TMEM126A: variants seen among roughly 807,000 people sequenced by gnomAD.
TMEM126A encodes optic atrophy 7.
In TMEM126A, 10 loss-of-function variants were observed where a neutral mutation model predicts 18.3. The ratio of observed to expected loss-of-function variants is 0.55; its 90% CI spans 0.34 to 0.93. The LOEUF is 0.93. Among genes scored for constraint, TMEM126A ranks in the 40% least tolerant of loss-of-function variants. The pLI, the probability that TMEM126A is intolerant of heterozygous loss-of-function variation, is 0.02. For synonymous variants in TMEM126A, 68 were observed against 78.1 expected, an observed-to-expected ratio of 0.87 and a Z score of 0.68; for missense variants, 246 against 230.2, an observed-to-expected ratio of 1.07 and a Z score of -0.44.
intron 4 of TMEM126A, 27 bp from the exon 5 acceptor site, chr11:85,656,282 T>C (rs116788441): frequency 3.1e-6 from 5 of 1,600,246 alleles, no homozygotes; most frequent in East Asian, 2.2e-5. Context: ...ATCTTTTCTA[T>C]TGAACTATCT....
chr11:85,655,013 C>A (rs1237156850), intron 3 of TMEM126A, among the ~76,000 whole-genome samples: 1 of 151,932 alleles, frequency 6.6e-6, no homozygotes, highest in Non-Finnish European at 1.5e-5. Flanking sequence ...ATACATTTAT[C>A]AAATACATGG....
chr11:85,652,273 CAATA>C (rs2082506435), intron 2 of TMEM126A, among the ~76,000 whole-genome samples: 1 of 152,234 alleles, frequency 6.6e-6, no homozygotes, highest in African/African-American at 2.4e-5. Flanking sequence ...AGTTTAGAGG[CAATA>C]AATGTTTCAA....
At chr11:85,656,254 T>A (rs2082537502) in intron 4 of TMEM126A, 55 bp from the exon 5 acceptor site, 1 of 1,483,290 alleles carries the variant, frequency 6.7e-7, no homozygotes, top group South Asian at 1.1e-5. Context: ...ACAGATGGGT[T>A]TGCCATTTGA....
At chr11:85,650,058 T>G (rs900491819) in intron 1 of TMEM126A, among the ~76,000 whole-genome samples, 191 bp from the exon 2 acceptor site, 1 of 152,264 alleles carries the variant, frequency 6.6e-6, no homozygotes, top group Non-Finnish European at 1.5e-5. Flanking sequence ...TATGAAGATA[T>G]TCTGTATTTC....
At position 85,656,475 on chromosome 11, in the gene TMEM126A, T is replaced by C; in HGVS notation, c.562T>C (p.Ser188Pro). The change falls in exon 5 of 5, where the codon TCT (serine) becomes CCT (proline). Residue 188 changes from serine (S) to proline (P), a missense_variant. Physicochemically the swap from Ser to Pro is moderately conservative, Grantham distance 74 (BLOSUM62 -1). Transcript: ENST00000304511. ...YKLLIKALQL[S>P]EPGKEIH Reference sequence around the variant, plus strand: ...ACTACTTATAAAGGCCCTTCAGTTATCTGAACCTGGCAAAGAAATTCACTG... The same window carrying C: ...ACTACTTATAAAGGCCCTTCAGTTACCTGAACCTGGCAAAGAAATTCACTG... 1 of 1,613,134 alleles carries C rather than the reference T, an allele frequency of 6.2e-7. No homozygotes were observed. The highest frequency in any genetic ancestry group is 8.5e-7 in the Non-Finnish European group (1 of 1,179,526).
chr11:85,650,062 G>T (rs2082487629), intron 1 of TMEM126A, among the ~76,000 whole-genome samples, 187 bp from the exon 2 acceptor site: 1 of 151,738 alleles, frequency 6.6e-6, no homozygotes, highest in Non-Finnish European at 1.5e-5. Flanking sequence ...AAGATATTCT[G>T]TATTTCCTAA....
intron 4 of TMEM126A, among the ~76,000 whole-genome samples, 177 bp downstream of exon 4, chr11:85,655,885 C>G (rs1237384489): frequency 6.6e-6 from 1 of 151,788 alleles, no homozygotes; most frequent in Non-Finnish European, 1.5e-5. Context: ...GAATTTCAAA[C>G]AGTTATACTT....
intron 1 of TMEM126A, among the ~76,000 whole-genome samples, chr11:85,648,936 GTTTTTTT>G (rs760886814): frequency 1.5e-5 from 2 of 132,416 alleles, no homozygotes; most frequent in Non-Finnish European, 3.2e-5. Context: ...TCCCTGAACT[GTTTTTTT>G]TTTTTTTTTT....
intron 2 of TMEM126A, among the ~76,000 whole-genome samples, chr11:85,652,947 A>G (rs969732289): frequency 1.5e-4 from 21 of 137,496 alleles, no homozygotes; most frequent in African/African-American, 5.5e-4. Flanking sequence ...CAACCCCCAC[A>G]AAAAAAAAAT....
At chr11:85,655,298 A>C (rs367809637) in intron 3 of TMEM126A, 1 of 329,984 alleles carries the variant, frequency 3.0e-6, no homozygotes, top group South Asian at 2.8e-5. Flanking sequence ...ATATTAGCCT[A>C]GGTCTGTTGA....
chr11:85,651,139 G>T (rs1312831514), intron 2 of TMEM126A, among the ~76,000 whole-genome samples: 1 of 150,664 alleles, frequency 6.6e-6, no homozygotes, highest in Admixed American at 6.6e-5. Context: ...ATCTTTGCCA[G>T]GCAGCTAATG....
At chr11:85,655,988 T>C (rs1235519257) in intron 4 of TMEM126A, among the ~76,000 whole-genome samples, 1 of 152,192 alleles carries the variant, frequency 6.6e-6, no homozygotes, top group African/African-American at 2.4e-5. Flanking sequence ...ACTTCTATCA[T>C]ATAAACAATT....
chr11:85,654,700 G>A (rs1221642539), intron 3 of TMEM126A, among the ~76,000 whole-genome samples: 4 of 152,036 alleles, frequency 2.6e-5, no homozygotes, highest in African/African-American at 9.7e-5. Flanking sequence ...TGATCCACCC[G>A]CCTTGTCTTC....
At position 85,655,077 on chromosome 11, in the gene TMEM126A, G is replaced by T. The variant is rs1020929977; in HGVS notation, c.281-517G>T. Among the ~76,000 whole-genome samples, 17 of 151,966 alleles carry T rather than the reference G, an allele frequency of 1.1e-4. No homozygotes were observed. The East Asian group carries it at 3.1e-3, about 28-fold the overall frequency. On this transcript the variant is annotated intron_variant, in intron 3 of 4. Coordinates refer to ENST00000304511, the MANE Select transcript of TMEM126A (RefSeq NM_032273.4). ...ATGTGTGCTGAATACTTTGAGTACA[G>T]TTAATCATAAAAAAAACTTTTGATT...
chr11:85,649,190 C>G (rs1328015506), intron 1 of TMEM126A, among the ~76,000 whole-genome samples: 1 of 152,228 alleles, frequency 6.6e-6, no homozygotes, highest in African/African-American at 2.4e-5. Context: ...CTGCCTTGGC[C>G]TCCCAAGGTG....
intron 1 of TMEM126A, among the ~76,000 whole-genome samples, chr11:85,649,162 T>G (rs1341880697): frequency 6.6e-6 from 1 of 152,210 alleles, no homozygotes; most frequent in Non-Finnish European, 1.5e-5. Flanking sequence ...CTCGAACTCC[T>G]GACCTCAGGT....
chr11:85,656,136 T>C (rs1591466145), intron 4 of TMEM126A, among the ~76,000 whole-genome samples, 173 bp from the exon 5 acceptor site: 1 of 152,308 alleles, frequency 6.6e-6, no homozygotes. Flanking sequence ...TGCTATAGCC[T>C]TGAAGCAAAC....
intron 1 of TMEM126A, among the ~76,000 whole-genome samples, chr11:85,649,874 T>C (rs1189733631): frequency 6.6e-6 from 1 of 152,232 alleles, no homozygotes; most frequent in Non-Finnish European, 1.5e-5. Flanking sequence ...TAGTTCCATG[T>C]ATGTTCTGGG....
In TMEM126A at chr11:85,648,063, C is replaced by G. The variant is rs2082474053; in HGVS notation, c.-34C>G. ...CGTGGCTGAGGAAGGAGGAGGCACC[C>G]ACAGGCTGCTGGGAGGAGAGCATAA... On this transcript the variant is annotated 5_prime_UTR_variant, in exon 1 of 5. Coordinates refer to ENST00000304511, the MANE Select transcript of TMEM126A (RefSeq NM_032273.4). 1 of 152,398 alleles carries G rather than the reference C, an allele frequency of 6.6e-6. No individual in the cohort carries two copies. Among genetic ancestry groups the G allele is most frequent in the African/African-American group, 2.4e-5 (1 of 41,454 alleles). 9.4% of individuals were successfully genotyped at this position (152,398 alleles called of 1,614,324 possible). A position where few individuals can be genotyped will look rare whatever the true frequency, so the allele number is the denominator to read the frequency against.
Sources: allele counts gnomAD v4.1 joint callset (sites outside exome capture counted in the v4.1 genomes callset), GRCh38; gene constraint gnomAD v4.1.1; transcripts MANE v1.5; gene names NCBI Gene and HGNC (gene_info 2026-07-23, HGNC 2026-07-21).